The following NRG3 variants were observed in gnomAD, a reference collection of about 807,000 sequenced individuals.
NRG3 encodes neuregulin 3, also known as pro-neuregulin-3, membrane-bound isoform.
Under a neutral mutation model 66.9 loss-of-function variants are expected in NRG3, and 31 were observed. That is an observed-to-expected ratio of 0.46 (90% confidence interval 0.35 to 0.63). NRG3 has a LOEUF of 0.63. Among genes scored for constraint, NRG3 ranks in the 20% least tolerant of loss-of-function variants. The probability of loss-of-function intolerance (pLI) is 0.00; values close to 1 mark genes in which losing one functional copy is unlikely to be tolerated. For missense variants in NRG3, 910 were observed against 878.9 expected (o/e 1.04, Z -0.45); for synonymous variants, 393 against 359.4 (o/e 1.09, Z -1.06).
At chr10:82,199,687 G>A (rs1360793332) in intron 1 of NRG3, among the ~76,000 whole-genome samples, 1 of 152,110 alleles carries the variant, frequency 6.6e-6, no homozygotes, top group Non-Finnish European at 1.5e-5. Flanking sequence ...TGGTAGGTTA[G>A]CACCTGTCAT....
intron 1 of NRG3, among the ~76,000 whole-genome samples, chr10:82,055,811 A>T (rs2063819892): frequency 6.6e-6 from 1 of 152,180 alleles, no homozygotes; most frequent in South Asian, 2.1e-4. Context: ...TGGAACAGGC[A>T]CTCTAGTGAA....
At chr10:82,902,154 A>G (rs1844288173) in intron 4 of NRG3, among the ~76,000 whole-genome samples, 1 of 152,154 alleles carries the variant, frequency 6.6e-6, no homozygotes, top group South Asian at 2.1e-4. Context: ...AGGCAATCTG[A>G]TTAAATATTG....
At chr10:82,942,959 TA>T (rs1013873031) in intron 4 of NRG3, among the ~76,000 whole-genome samples, 3 of 151,034 alleles carry the variant, frequency 2.0e-5, no homozygotes, top group Admixed American at 6.6e-5. Context: ...AAGTACAAGT[TA>T]AAAAAAATGA....
chr10:82,738,784 C>A (rs2058277855), intron 3 of NRG3, 134 bp downstream of exon 3: 1 of 753,250 alleles, frequency 1.3e-6, no homozygotes. Context: ...AAGCTGATGG[C>A]AGATGTTGAT....
At chr10:82,282,196 C>T (rs570596487) in intron 1 of NRG3, among the ~76,000 whole-genome samples, 9 of 152,156 alleles carry the variant, frequency 5.9e-5, no homozygotes, top group African/African-American at 9.6e-5. Flanking sequence ...TGGACACATA[C>T]GAGGCAGATA....
chr10:81,902,333 G>A (rs73319134), intron 1 of NRG3, among the ~76,000 whole-genome samples: 2,859 of 152,284 alleles, frequency 0.019, 77 homozygotes, highest in African/African-American at 0.063. Flanking sequence ...TGTATGGACT[G>A]TTATGTGTTC....
chr10:82,943,809 CAG>C (rs922340678), intron 4 of NRG3, among the ~76,000 whole-genome samples: 1 of 152,120 alleles, frequency 6.6e-6, no homozygotes. Context: ...AGCCATCACA[CAG>C]GGGGGAAAAA....
intron 1 of NRG3, among the ~76,000 whole-genome samples, chr10:82,348,108 T>G (rs2083156800): frequency 6.6e-6 from 1 of 150,590 alleles, no homozygotes; most frequent in Admixed American, 6.6e-5. Flanking sequence ...GATCCTGTCA[T>G]TATGATGTTA....
At chr10:81,995,161 G>A (rs1350823266) in intron 1 of NRG3, among the ~76,000 whole-genome samples, 4 of 151,944 alleles carry the variant, frequency 2.6e-5, no homozygotes, top group Admixed American at 2.6e-4. Context: ...AACCCTTGGT[G>A]TTTTCCATCC....
chr10:82,738,160 A>G (rs1262595361), intron 2 of NRG3, among the ~76,000 whole-genome samples: 1 of 152,212 alleles, frequency 6.6e-6, no homozygotes, highest in Non-Finnish European at 1.5e-5. Context: ...AATCAATAAT[A>G]GATCCATTAT....
intron 2 of NRG3, among the ~76,000 whole-genome samples, chr10:82,414,255 A>G (rs549069974): frequency 6.6e-6 from 1 of 152,224 alleles, no homozygotes; most frequent in Non-Finnish European, 1.5e-5. Context: ...TAATTTTAAT[A>G]TTGTGTGTCA....
At chr10:82,267,406 G>A (rs1157606215) in intron 1 of NRG3, among the ~76,000 whole-genome samples, 1 of 152,182 alleles carries the variant, frequency 6.6e-6, no homozygotes, top group African/African-American at 2.4e-5. Context: ...ACACATGGAT[G>A]TGTGATCCAG....
chr10:82,499,930 A>G (rs1843996410), intron 2 of NRG3, among the ~76,000 whole-genome samples: 1 of 152,150 alleles, frequency 6.6e-6, no homozygotes, highest in Non-Finnish European at 1.5e-5. Flanking sequence ...AAGACTAGAA[A>G]ACATCTTGTA....
chr10:82,254,602 C>T (rs1589481442), intron 1 of NRG3, among the ~76,000 whole-genome samples: 1 of 151,886 alleles, frequency 6.6e-6, no homozygotes, highest in African/African-American at 2.4e-5. Context: ...CTATATGAAC[C>T]TGGAGCATCT....
At chr10:81,952,632 G>A (rs905081877) in intron 1 of NRG3, among the ~76,000 whole-genome samples, 4 of 152,024 alleles carry the variant, frequency 2.6e-5, no homozygotes, top group African/African-American at 9.7e-5. Flanking sequence ...GTGACACAGG[G>A]CACTTTTTTC....
intron 2 of NRG3, among the ~76,000 whole-genome samples, chr10:82,510,778 C>T (rs1845096760): frequency 6.6e-6 from 1 of 152,138 alleles, no homozygotes; most frequent in South Asian, 2.1e-4. Context: ...CCACCAGAAG[C>T]TGCCAGAGGG....
At chr10:81,925,971 C>G (rs1348995313) in intron 1 of NRG3, among the ~76,000 whole-genome samples, 1 of 152,084 alleles carries the variant, frequency 6.6e-6, no homozygotes, top group Non-Finnish European at 1.5e-5. Flanking sequence ...AGAGAGGTAT[C>G]TGCTGAAGGA....
At chr10:82,828,690 A>G (rs1301160038) in intron 3 of NRG3, among the ~76,000 whole-genome samples, 1 of 152,252 alleles carries the variant, frequency 6.6e-6, no homozygotes, top group Non-Finnish European at 1.5e-5. Flanking sequence ...TTTCACTTGA[A>G]TGAAAAGTGA....
chr10:82,958,643 T>C (rs1850310904), intron 5 of NRG3, among the ~76,000 whole-genome samples: 1 of 152,206 alleles, frequency 6.6e-6, no homozygotes, highest in Non-Finnish European at 1.5e-5. Context: ...TTCCAGTTCT[T>C]TGCAGCTAAA....
Sources: allele counts gnomAD v4.1 joint callset (sites outside exome capture counted in the v4.1 genomes callset), GRCh38; gene constraint gnomAD v4.1.1; transcripts MANE v1.5; gene names NCBI Gene and HGNC (gene_info 2026-07-23, HGNC 2026-07-21).